The following CNTNAP2 variants were observed in gnomAD, a reference collection of about 807,000 sequenced individuals.
CNTNAP2 encodes contactin associated protein 2, also known as contactin-associated protein-like 2.
CNTNAP2 carries 98 observed loss-of-function variants against 155.2 expected under a neutral mutation model. That is an observed-to-expected ratio of 0.63 (90% CI 0.54 to 0.75). The LOEUF (loss-of-function observed/expected upper bound fraction) is 0.75, where lower values mean the gene tolerates loss of function less well. CNTNAP2 is among the 30% of genes least tolerant of loss of function. The probability of loss-of-function intolerance (pLI) is 0.00; values close to 1 mark genes in which losing one functional copy is unlikely to be tolerated. For missense variants in CNTNAP2, 1,727 were observed against 1,688.1 expected, an observed-to-expected ratio of 1.02 and a Z score of -0.40; for synonymous variants, 651 against 631.2, an observed-to-expected ratio of 1.03 and a Z score of -0.47.
chr7:147,353,794 C>A (rs1281336690), intron 9 of CNTNAP2, among the ~76,000 whole-genome samples: 1 of 152,128 alleles, frequency 6.6e-6, no homozygotes, highest in African/African-American at 2.4e-5. Context: ...TTCTCCACAT[C>A]TTCTCCAGCA....
intron 21 of CNTNAP2, among the ~76,000 whole-genome samples, chr7:148,283,674 T>C (rs369105425): frequency 1.8e-4 from 27 of 152,340 alleles, no homozygotes; most frequent in African/African-American, 5.8e-4. Flanking sequence ...TGTGTTTTTA[T>C]TGGTGATTTT....
rs28581978 is a variant in CNTNAP2, at chr7:146,913,632, G to C, written c.402+73728G>C. Among the ~76,000 whole-genome samples, 191 of 152,020 alleles carry C rather than the reference G, an allele frequency of 1.3e-3. 1 individual carries two copies. Among genetic ancestry groups the C allele is most frequent in the African/African-American group, 4.5e-3 (185 of 41,460 alleles). On this transcript the variant is annotated intron_variant, in intron 3 of 23. Coordinates refer to ENST00000361727, the MANE Select transcript of CNTNAP2 (RefSeq NM_014141.6). ...GAGCTCAAAGAAGCAAGCTTTCTTG[G>C]GATTCTAAGGTCTTAATCCCATGTG...
At chr7:146,840,474 CATA>C (rs1401193695) in intron 3 of CNTNAP2, among the ~76,000 whole-genome samples, 3 of 152,138 alleles carry the variant, frequency 2.0e-5, no homozygotes, top group Admixed American at 6.6e-5. Context: ...ATATTCACCA[CATA>C]ATAATTTGAA....
At chr7:147,401,739 T>TG (rs926409211) in intron 10 of CNTNAP2, among the ~76,000 whole-genome samples, 1 of 152,134 alleles carries the variant, frequency 6.6e-6, no homozygotes, top group Non-Finnish European at 1.5e-5. Context: ...GATCTGATAG[T>TG]TTAAAAGTAT....
chr7:147,525,532 G>A (rs188222434), intron 11 of CNTNAP2, among the ~76,000 whole-genome samples: 3 of 152,298 alleles, frequency 2.0e-5, no homozygotes, highest in Admixed American at 6.5e-5. Flanking sequence ...ATGGTTGGGC[G>A]TGTCCAGAGC....
At chr7:146,897,948 A>G (rs1046417063) in intron 3 of CNTNAP2, among the ~76,000 whole-genome samples, 4 of 152,100 alleles carry the variant, frequency 2.6e-5, no homozygotes, top group African/African-American at 9.6e-5. Flanking sequence ...TATATTTTTA[A>G]TATCTAAAAA....
Position 146,143,655 on chromosome 7 carries a change from G to A in CNTNAP2, c.97+26682G>A, listed in dbSNP as rs115396826. On this transcript the variant is annotated intron_variant, in intron 1 of 23. Coordinates refer to ENST00000361727, the MANE Select transcript of CNTNAP2 (RefSeq NM_014141.6). Reference sequence around the variant, plus strand: ...TTTCAAATATCTACTCTCCTAAATAGATTAGTTAATGGTATTGTGTTTCCT... The same window carrying A: ...TTTCAAATATCTACTCTCCTAAATAAATTAGTTAATGGTATTGTGTTTCCT... 5.3e-3 allele frequency among the ~76,000 whole-genome samples: 810 copies of A among 152,076 alleles called. 5 individuals are homozygous for A. The highest frequency in any genetic ancestry group is 0.018 in the African/African-American group (754 of 41,490).
intron 15 of CNTNAP2, among the ~76,000 whole-genome samples, chr7:148,021,464 G>A (rs1268161381): frequency 6.6e-6 from 1 of 152,178 alleles, no homozygotes; most frequent in Non-Finnish European, 1.5e-5. Context: ...AGACACGGGG[G>A]ACAGCTTTCT....
chr7:146,685,191 G>A (rs1184119402), intron 1 of CNTNAP2, among the ~76,000 whole-genome samples: 1 of 152,094 alleles, frequency 6.6e-6, no homozygotes, highest in Non-Finnish European at 1.5e-5. Flanking sequence ...ATAAAAGAAT[G>A]ACAACCTTTT....
intron 21 of CNTNAP2, among the ~76,000 whole-genome samples, chr7:148,330,562 GTGGA>G (rs1335256494): frequency 1.6e-5 from 2 of 126,852 alleles, no homozygotes; most frequent in Non-Finnish European, 3.2e-5. Flanking sequence ...GATGGATAGA[GTGGA>G]TGGATGGAGT....
intron 3 of CNTNAP2, among the ~76,000 whole-genome samples, chr7:146,940,468 C>T (rs995156918): frequency 1.3e-5 from 2 of 152,202 alleles, no homozygotes; most frequent in Non-Finnish European, 2.9e-5. Flanking sequence ...GCTAGGATTA[C>T]AGGCGTGAGC....
chr7:148,172,410 T>C lies in CNTNAP2; in HGVS notation c.2942T>C (p.Leu981Pro), dbSNP rs1187753598. Reference protein sequence around the residue: ...GTNCENGGKCLERYHGYSCDC... With the variant: ...GTNCENGGKCPERYHGYSCDC... ...AACTGTGAAAATGGAGGCAAATGCC[T>C]AGAGAGATACCACGGTTACTCCTGC... is the stretch of plus-strand genomic sequence containing the variant. Residue 981 changes from leucine to proline, a missense_variant, in exon 18 of 24, where the codon CTA (leucine) becomes CCA (proline). Leu to Pro is a moderately conservative substitution (Grantham distance 98). Transcript: ENST00000361727. 8 of 1,614,146 alleles carry C rather than the reference T, an allele frequency of 5.0e-6. No individual in the cohort carries two copies. Among genetic ancestry groups the C allele is most frequent in the Admixed American group, 1.7e-5 (1 of 59,998 alleles).
rs186774984 is a variant in CNTNAP2, at chr7:146,728,303, G to A, written c.98-45968G>A. On this transcript the variant is annotated intron_variant, in intron 1 of 23. Transcript: ENST00000361727. ...ACCAGGTCTGTCAAGATAAGTAGCT[G>A]TAATGAGGGAGTGGGGAGGTCACGG... Among the ~76,000 whole-genome samples, 1,302 of 152,266 alleles carry A rather than the reference G, an allele frequency of 8.6e-3. 22 individuals carry two copies. The highest frequency in any genetic ancestry group is 0.03 in the African/African-American group (1,243 of 41,550).
At chr7:146,711,245 AT>A (rs899052338) in intron 1 of CNTNAP2, among the ~76,000 whole-genome samples, 1 of 147,162 alleles carries the variant, frequency 6.8e-6, no homozygotes, top group Non-Finnish European at 1.5e-5. Flanking sequence ...ATACATATAT[AT>A]TTTATATATA....
At chr7:148,011,087 A>C (rs1802073000) in intron 15 of CNTNAP2, among the ~76,000 whole-genome samples, 1 of 152,176 alleles carries the variant, frequency 6.6e-6, no homozygotes, top group African/African-American at 2.4e-5. Context: ...CAGAATTCAC[A>C]TTACATATAA....
chr7:147,598,056 T>C (rs1800860743), intron 12 of CNTNAP2, among the ~76,000 whole-genome samples: 2 of 152,136 alleles, frequency 1.3e-5, no homozygotes, highest in South Asian at 2.1e-4. Flanking sequence ...GGTTTCAGCA[T>C]AGAAAAACAA....
At chr7:147,649,960 T>C (rs1435381639) in intron 13 of CNTNAP2, among the ~76,000 whole-genome samples, 1 of 152,086 alleles carries the variant, frequency 6.6e-6, no homozygotes, top group Non-Finnish European at 1.5e-5. Context: ...ACAATTTTAT[T>C]ATTTATCTTT....
intron 4 of CNTNAP2, among the ~76,000 whole-genome samples, chr7:147,063,367 A>AC (rs1405637910): frequency 1.3e-5 from 2 of 152,014 alleles, no homozygotes; most frequent in Admixed American, 1.3e-4. Context: ...GTTGGTAAAA[A>AC]AAAATGGCCA....
At chr7:147,410,272 G>A (rs1047866228) in intron 10 of CNTNAP2, among the ~76,000 whole-genome samples, 1 of 152,184 alleles carries the variant, frequency 6.6e-6, no homozygotes. Flanking sequence ...ATTATCCTTA[G>A]CAAACTAACA....
Sources: gnomAD v4.1 joint callset for allele counts (sites outside exome capture counted in the v4.1 genomes callset) on GRCh38, gnomAD v4.1.1 for gene constraint, MANE v1.5 for transcripts, NCBI Gene and HGNC (gene_info 2026-07-23, HGNC 2026-07-21) for gene names.